The following MSI2 variants were observed in gnomAD, a reference collection of about 807,000 sequenced individuals.
MSI2 encodes the protein musashi RNA binding protein 2.
A neutral mutation model predicts 45.6 loss-of-function variants in MSI2; 17 were observed. The ratio of observed to expected loss-of-function variants is 0.37; its 90% CI spans 0.26 to 0.56. The LOEUF is 0.56. MSI2 is among the 20% of genes least tolerant of loss of function. The pLI is 0.77. For missense variants in MSI2, 293 were observed against 444.2 expected (o/e 0.66, Z 3.06); for synonymous variants, 156 against 158.2 (o/e 0.99, Z 0.11).
intron 7 of MSI2, among the ~76,000 whole-genome samples, chr17:57,583,488 C>CTTTCTTTTTTT (rs1365477936): frequency 1.0e-5 from 1 of 98,044 alleles, no homozygotes; most frequent in Non-Finnish European, 2.1e-5. Flanking sequence ...CCCAATGTTT[C>CTTTCTTTTTTT]TTTTTTTTTT....
intron 10 of MSI2, among the ~76,000 whole-genome samples, chr17:57,637,950 G>A (rs1348622951): frequency 3.9e-5 from 6 of 152,172 alleles, no homozygotes; most frequent in African/African-American, 1.4e-4. Context: ...GCCTTGCAAA[G>A]TCCCCATTAA....
At chr17:57,303,820 C>T (rs187768183) in intron 5 of MSI2, among the ~76,000 whole-genome samples, 1 of 152,220 alleles carries the variant, frequency 6.6e-6, no homozygotes, top group East Asian at 1.9e-4. Flanking sequence ...AGTTCAGTAG[C>T]GTAATGGGCC....
intron 5 of MSI2, among the ~76,000 whole-genome samples, chr17:57,377,333 G>GCA (rs1415917776): frequency 6.6e-6 from 1 of 152,224 alleles, no homozygotes; most frequent in African/African-American, 2.4e-5. Flanking sequence ...TTGAATCAGG[G>GCA]CATCCACTTC....
At chr17:57,261,791 A>G (rs1907331391) in intron 4 of MSI2, among the ~76,000 whole-genome samples, 2 of 152,228 alleles carry the variant, frequency 1.3e-5, no homozygotes, top group Non-Finnish European at 2.9e-5. Context: ...TGATGCTCCC[A>G]TCTTTTCTCC....
At chr17:57,694,439 AAGG>A in the MSI2 span, among the ~76,000 whole-genome samples, 7 of 152,164 alleles carry the variant, frequency 4.6e-5, no homozygotes, top group Admixed American at 4.6e-4. Context: ...CTCCCAGCAG[AAGG>A]AGATTCCTCT....
chr17:57,270,580 C>T (rs761055982), intron 5 of MSI2, among the ~76,000 whole-genome samples: 1 of 152,162 alleles, frequency 6.6e-6, no homozygotes, highest in Non-Finnish European at 1.5e-5. Flanking sequence ...TGCCACTTAC[C>T]AGCTATGGCA....
chr17:57,529,779 C>G lies in MSI2; in HGVS notation c.454+55C>G. 1 of 1,435,402 alleles carries G rather than the reference C, an allele frequency of 7.0e-7. No individual in the cohort carries two copies. The highest frequency in any genetic ancestry group is 9.7e-7 in the Non-Finnish European group (1 of 1,033,926). 88.9% of individuals were successfully genotyped at this position (1,435,402 alleles called of 1,614,324 possible). On this transcript the variant is annotated intron_variant, in intron 7 of 13. Transcript: ENST00000284073. This position sits in a 1 kb window ranked among gnomAD's most constrained non-coding sequence, Gnocchi z 5.3. ...GTTCACCCTCTCCTGGCCTCTCTGT[C>G]TGTCATCCCCAGTCCCACTGACAAA...
intron 6 of MSI2, among the ~76,000 whole-genome samples, chr17:57,499,431 C>A (rs1388456289): frequency 2.0e-5 from 3 of 150,574 alleles, no homozygotes; most frequent in Admixed American, 6.6e-5. Context: ...TTCTTCTCAC[C>A]CCACCCACAA....
chr17:57,369,894 T>C (rs183097950), intron 5 of MSI2, among the ~76,000 whole-genome samples: 48 of 152,348 alleles, frequency 3.2e-4, no homozygotes, highest in African/African-American at 1.1e-3. Context: ...GGGGCCATAG[T>C]CTGGAGTGGT....
At chr17:57,491,005 G>T (rs1031293868) in intron 6 of MSI2, among the ~76,000 whole-genome samples, 5 of 152,184 alleles carry the variant, frequency 3.3e-5, no homozygotes, top group Admixed American at 6.5e-5. Flanking sequence ...CAAGCACCTG[G>T]CCAGGGTTCC....
rs116427514 is a variant in MSI2 at position 57,616,027 on chromosome 17, C to T, written c.595C>T (p.Arg199Trp). Reference protein sequence around the residue: ...EVMFPPGTRGRARGLPYTMDA... With the variant: ...EVMFPPGTRGWARGLPYTMDA... ...CATGTTCCCACCTGGGACAAGAGGC[C>T]GGGCCCGGGGACTGCCTTACACCAT... Residue 199 changes from arginine (R) to tryptophan (W), a missense_variant, in exon 9 of 14, where the codon CGG becomes TGG. Physicochemically the swap from Arg to Trp is moderately radical, Grantham distance 101. Transcript: ENST00000284073. 1.2e-6 allele frequency: 2 copies of T among 1,614,124 alleles called. No individual in the cohort carries two copies. Among genetic ancestry groups the T allele is most frequent in the Non-Finnish European group, 1.7e-6 (2 of 1,180,012 alleles).
At chr17:57,434,732 T>C (rs904864225) in intron 6 of MSI2, among the ~76,000 whole-genome samples, 2 of 152,220 alleles carry the variant, frequency 1.3e-5, no homozygotes, top group Admixed American at 1.3e-4. Context: ...TCAAAGGATG[T>C]AATTTCATTG....
intron 6 of MSI2, among the ~76,000 whole-genome samples, chr17:57,477,150 G>A (rs755578295): frequency 6.5e-3 from 146 of 22,494 alleles, no homozygotes; most frequent in Admixed American, 0.014. Flanking sequence ...GGCCTGGTGT[G>A]TGTGTGTGTG....
At chr17:57,651,064 G>A (rs1206116133) in intron 10 of MSI2, among the ~76,000 whole-genome samples, 1 of 152,184 alleles carries the variant, frequency 6.6e-6, no homozygotes, top group Non-Finnish European at 1.5e-5. Flanking sequence ...GAGGATGTTT[G>A]TCTTTATATG....
chr17:57,363,849 T>A (rs1260462419), intron 5 of MSI2, among the ~76,000 whole-genome samples: 1 of 152,002 alleles, frequency 6.6e-6, no homozygotes, highest in Non-Finnish European at 1.5e-5. Context: ...CTTATGTGGG[T>A]GGGGTTAATG....
chr17:57,502,668 G>T (rs1263916305), intron 6 of MSI2, among the ~76,000 whole-genome samples: 1 of 131,580 alleles, frequency 7.6e-6, no homozygotes, highest in South Asian at 2.5e-4. Context: ...GAAGGTCTGG[G>T]CTCTAGATTT....
At chr17:57,650,545 G>T (rs1911057202) in intron 10 of MSI2, among the ~76,000 whole-genome samples, 1 of 152,088 alleles carries the variant, frequency 6.6e-6, no homozygotes, top group Non-Finnish European at 1.5e-5. Flanking sequence ...GGGAAGGGAG[G>T]GCCTCCAGTC....
intron 6 of MSI2, among the ~76,000 whole-genome samples, chr17:57,483,544 G>A (rs992776815): frequency 2.0e-5 from 3 of 152,174 alleles, no homozygotes; most frequent in South Asian, 2.1e-4. Context: ...CAGGTACTGC[G>A]GAGGTAGCAA....
In MSI2 at chr17:57,652,044, G is replaced by A. The variant is rs1911190503; in HGVS notation, c.728-55G>A. The A allele has an allele frequency of 1.3e-6, 2 of 1,560,158 alleles. No individual in the cohort carries two copies. The highest frequency in any genetic ancestry group is 1.8e-6 in the Non-Finnish European group (2 of 1,131,118). ...TGTGTGGCCCGTGACCTAGGTCTGTGCCTGGCCCTTTCAAGGATTCCTCCA... is the reference window on the plus strand; with the variant it reads ...TGTGTGGCCCGTGACCTAGGTCTGTACCTGGCCCTTTCAAGGATTCCTCCA... On this transcript the variant is annotated intron_variant, in intron 10 of 13. Transcript: ENST00000284073. The surrounding 1 kb of genome is among the most constrained non-coding windows in gnomAD (Gnocchi z 4.1).
Sources: allele counts gnomAD v4.1 joint callset (sites outside exome capture counted in the v4.1 genomes callset), GRCh38; gene constraint gnomAD v4.1.1; non-coding constraint Gnocchi (gnomAD v3.1); transcripts MANE v1.5; gene names NCBI Gene and HGNC (gene_info 2026-07-23, HGNC 2026-07-21).